NCOA3: variants seen among roughly 807,000 people sequenced by gnomAD.
The protein encoded by NCOA3 is CBP-interacting protein.
In NCOA3, 51 loss-of-function variants were observed where a neutral mutation model predicts 158.8. The observed-to-expected ratio is 0.32, with a 90% CI of 0.26 to 0.41. The LOEUF is 0.41. NCOA3 is among the 10% of genes least tolerant of loss of function. The pLI is 1.00. For synonymous variants in NCOA3, 537 were observed against 592.4 expected (o/e 0.91, Z 1.36); for missense variants, 1,510 against 1,746.6 (o/e 0.86, Z 2.41).
chr20:47,515,439 A>G (rs920402307), intron 1 of NCOA3, among the ~76,000 whole-genome samples: 1 of 149,652 alleles, frequency 6.7e-6, no homozygotes, highest in Non-Finnish European at 1.5e-5. Flanking sequence ...AAATACAGGC[A>G]TGAGCCACCA....
intron 1 of NCOA3, among the ~76,000 whole-genome samples, chr20:47,513,075 T>C (rs1163150095): frequency 1.3e-5 from 2 of 151,942 alleles, no homozygotes; most frequent in Non-Finnish European, 2.9e-5. Context: ...TGAGAATAGC[T>C]GAGGCATGAG....
intron 3 of NCOA3, chr20:47,623,029 C>A (rs2086266612): frequency 6.6e-6 from 1 of 152,182 alleles, no homozygotes; most frequent in South Asian, 2.1e-4. Context: ...AAGTAAGAAT[C>A]TTTGCTATCT....
chr20:47,635,370 T>C lies in NCOA3; in HGVS notation c.1161T>C (p.Ile387=). 1 of 1,612,792 alleles carries C rather than the reference T, an allele frequency of 6.2e-7. No individual in the cohort carries two copies. Among genetic ancestry groups the C allele is most frequent in the Non-Finnish European group, 8.5e-7 (1 of 1,178,834 alleles). Residue 387 remains isoleucine (I), a synonymous_variant, in exon 11 of 23, where the codon ATT becomes ATC. Coordinates refer to ENST00000371998, the MANE Select transcript of NCOA3 (RefSeq NM_181659.3). ...RPNPNPVGQG[I]RPPMAGCNSS... is the part of the protein sequence containing the mutation. ...ACCCAAATCCTGTTGGACAAGGGATTAGACCACCTATGGCTGGATGCAACA... is the reference window on the plus strand; with the variant it reads ...ACCCAAATCCTGTTGGACAAGGGATCAGACCACCTATGGCTGGATGCAACA...
At chr20:47,542,028 T>TTGTTG (rs1555802262) in intron 1 of NCOA3, among the ~76,000 whole-genome samples, 3 of 81,714 alleles carry the variant, frequency 3.7e-5, no homozygotes, top group Non-Finnish European at 7.6e-5. Context: ...TTTTTTTTTT[T>TTGTTG]TTGTTGTTGT....
chr20:47,632,876 T>C (rs758853056), intron 8 of NCOA3, among the ~76,000 whole-genome samples: 2 of 151,622 alleles, frequency 1.3e-5, no homozygotes, highest in African/African-American at 2.4e-5. Context: ...AGAGATGGGG[T>C]TTCACCATGT....
chr20:47,551,468 G>A (rs550254629), intron 1 of NCOA3, among the ~76,000 whole-genome samples: 33 of 152,256 alleles, frequency 2.2e-4, no homozygotes, highest in Non-Finnish European at 4.1e-4. Context: ...AAGCAAAGAC[G>A]TATAACTGTA....
intron 1 of NCOA3, among the ~76,000 whole-genome samples, chr20:47,555,633 T>G (rs1310343506): frequency 2.8e-5 from 2 of 70,858 alleles, no homozygotes; most frequent in African/African-American, 7.3e-5. Context: ...TATTAAAGTG[T>G]TTTTTTTTTT....
intron 1 of NCOA3, among the ~76,000 whole-genome samples, chr20:47,573,198 AGACCAGCCT>A (rs2085321052): frequency 6.6e-6 from 1 of 152,158 alleles, no homozygotes. Flanking sequence ...CAGGAATTCA[AGACCAGCCT>A]GACCAACATG....
Position 47,501,937 on chromosome 20 carries a change from G to A in NCOA3, c.-181G>A, listed in dbSNP as rs961337685. The A allele has an allele frequency of 2.5e-6, 1 of 401,666 alleles. No individual in the cohort carries two copies. The allele number at this position is 401,666 out of a possible 1,614,324, so 24.9% of individuals were successfully genotyped here. A position where few individuals can be genotyped will look rare whatever the true frequency, so the allele number is the denominator to read the frequency against. Reference sequence around the variant, plus strand: ...CAGCGACGGCAGCGGCTGCGGCTTAGTCGGTGGCGGCCGGCGGCGGCTGCG... The same window carrying A: ...CAGCGACGGCAGCGGCTGCGGCTTAATCGGTGGCGGCCGGCGGCGGCTGCG... On this transcript the variant is annotated 5_prime_UTR_variant, in exon 1 of 23. Coordinates refer to ENST00000371998, the MANE Select transcript of NCOA3 (RefSeq NM_181659.3).
chr20:47,547,713 C>T (rs1028072196), intron 1 of NCOA3, among the ~76,000 whole-genome samples: 5 of 150,874 alleles, frequency 3.3e-5, no homozygotes, highest in Non-Finnish European at 4.4e-5. Flanking sequence ...CCACCGCGCC[C>T]GGCCCGTTTT....
chr20:47,562,492 G>C (rs754389900), intron 1 of NCOA3, among the ~76,000 whole-genome samples: 18 of 151,338 alleles, frequency 1.2e-4, no homozygotes, highest in Non-Finnish European at 2.2e-4. Context: ...CGTGTGATGT[G>C]GATCATCTTT....
At position 47,605,048 on chromosome 20, in the gene NCOA3, A is replaced by T. The variant is rs373028110; in HGVS notation, c.-19-17181A>T. ...ACCCCCGGCCAATCTTTGTATTTTT[A>T]GTAGAGACAGTGTTTCACCATGTTG... On this transcript the variant is annotated intron_variant, in intron 2 of 22. Coordinates refer to ENST00000371998, the MANE Select transcript of NCOA3 (RefSeq NM_181659.3). Among the ~76,000 whole-genome samples the T allele has an allele frequency of 2.6e-5, 4 of 152,154 alleles. 1 individual carries two copies. The highest frequency in any genetic ancestry group is 9.6e-5 in the African/African-American group (4 of 41,522).
intron 17 of NCOA3, among the ~76,000 whole-genome samples, chr20:47,645,906 T>C (rs2086678616): frequency 6.6e-6 from 1 of 152,148 alleles, no homozygotes; most frequent in Admixed American, 6.5e-5. Context: ...GGATACATGA[T>C]ATGCCCTGGA....
chr20:47,638,976 G>A (rs760348557), intron 13 of NCOA3, 32 bp from the exon 14 acceptor site: 15 of 1,519,284 alleles, frequency 9.9e-6, no homozygotes, highest in Admixed American at 2.0e-5. Flanking sequence ...ATTAAATCAC[G>A]AAGAAATGTT....
chr20:47,600,470 A>G (rs1013181020), intron 2 of NCOA3, among the ~76,000 whole-genome samples: 1 of 144,798 alleles, frequency 6.9e-6, no homozygotes, highest in South Asian at 2.2e-4. Flanking sequence ...GCCACCGCGC[A>G]TGGCCGCATT....
chr20:47,623,888 C>A lies in NCOA3; in HGVS notation c.84-23C>A, dbSNP rs763360134. ...TATATATATTATGTCTCCTTTCCCCCCTTTCTACGCCTTTTCCCTTAGTCT... is the reference window on the plus strand; with the variant it reads ...TATATATATTATGTCTCCTTTCCCCACTTTCTACGCCTTTTCCCTTAGTCT... On this transcript the variant is annotated intron_variant, in intron 3 of 22. Coordinates refer to ENST00000371998, the MANE Select transcript of NCOA3 (RefSeq NM_181659.3). 3.1e-6 allele frequency: 5 copies of A among 1,596,528 alleles called. No homozygotes were observed. In the Admixed American group the frequency reaches 5.6e-5, roughly 18 times the overall value.
intron 2 of NCOA3, among the ~76,000 whole-genome samples, chr20:47,618,274 T>C (rs1263062056): frequency 6.6e-6 from 1 of 151,536 alleles, no homozygotes; most frequent in Non-Finnish European, 1.5e-5. Flanking sequence ...AGAAATATTT[T>C]ATATCTTAAA....
intron 2 of NCOA3, among the ~76,000 whole-genome samples, chr20:47,596,576 A>G (rs907929380): frequency 6.6e-6 from 1 of 152,126 alleles, no homozygotes; most frequent in Non-Finnish European, 1.5e-5. Flanking sequence ...CTTTAGAAAA[A>G]GTAAATTTTC....
chr20:47,647,637 A>C (rs558843992), intron 18 of NCOA3, among the ~76,000 whole-genome samples: 2 of 152,316 alleles, frequency 1.3e-5, no homozygotes, highest in Admixed American at 6.5e-5. Context: ...TGTAGTCTTA[A>C]AGGTAGATAA....
Sources: allele counts gnomAD v4.1 joint callset (sites outside exome capture counted in the v4.1 genomes callset), GRCh38; gene constraint gnomAD v4.1.1; transcripts MANE v1.5; gene names NCBI Gene and HGNC (gene_info 2026-07-23, HGNC 2026-07-21).